The following ANO6 variants were observed in gnomAD, a reference collection of about 807,000 sequenced individuals.
The protein encoded by ANO6 is anoctamin 6.
ANO6 carries 106 observed loss-of-function variants against 117.5 expected under a neutral mutation model. The ratio of observed to expected loss-of-function variants is 0.90; its 90% CI spans 0.77 to 1.06. The LOEUF (loss-of-function observed/expected upper bound fraction) is 1.06, where lower values mean the gene tolerates loss of function less well. ANO6 is among the 50% of genes least tolerant of loss of function. ANO6 has a pLI of 0.00. For missense variants in ANO6, 955 were observed against 1,121.1 expected (o/e 0.85, Z 2.12); for synonymous variants, 367 against 385.1 (o/e 0.95, Z 0.55).
chr12:45,286,645 G>T (rs909971389), intron 1 of ANO6, among the ~76,000 whole-genome samples: 1 of 152,176 alleles, frequency 6.6e-6, no homozygotes, highest in Non-Finnish European at 1.5e-5. Context: ...TCCTAAAGCT[G>T]TATACCCCTC....
intron 1 of ANO6, among the ~76,000 whole-genome samples, chr12:45,270,936 T>C (rs1565656581): frequency 6.6e-6 from 1 of 152,072 alleles, no homozygotes; most frequent in Admixed American, 6.5e-5. Context: ...ACCTGGCTGG[T>C]CTTGAACTCC....
chr12:45,277,623 GGT>G (rs1301918604), intron 1 of ANO6, among the ~76,000 whole-genome samples: 1 of 152,170 alleles, frequency 6.6e-6, no homozygotes, highest in East Asian at 1.9e-4. Flanking sequence ...GTTAAAGGCA[GGT>G]AATTTTTTTT....
chr12:45,395,303 T>G (rs941985467), intron 12 of ANO6, among the ~76,000 whole-genome samples: 3 of 152,128 alleles, frequency 2.0e-5, no homozygotes, highest in African/African-American at 7.2e-5. Flanking sequence ...AGAAGTTGAA[T>G]CTCTGAATAG....
chr12:45,428,805 G>T (rs541197790), intron 19 of ANO6, among the ~76,000 whole-genome samples: 1 of 152,136 alleles, frequency 6.6e-6, no homozygotes, highest in African/African-American at 2.4e-5. Flanking sequence ...CAGCATCCTA[G>T]TTTTTAAGTT....
At chr12:45,364,687 T>G (rs1425701387) in intron 8 of ANO6, among the ~76,000 whole-genome samples, 1 of 152,210 alleles carries the variant, frequency 6.6e-6, no homozygotes, top group Non-Finnish European at 1.5e-5. Flanking sequence ...TTCCTTTAAT[T>G]CTTTAGGTGA....
intron 1 of ANO6, among the ~76,000 whole-genome samples, chr12:45,272,186 G>GTTTTTTTTTTTTT (rs5797936): frequency 6.7e-6 from 1 of 148,866 alleles, no homozygotes. Flanking sequence ...ACCTTTTTGG[G>GTTTTTTTTTTTTT]TTTTTTTTTC....
chr12:45,424,020 G>GC (rs1943431545), intron 19 of ANO6, among the ~76,000 whole-genome samples: 1 of 150,520 alleles, frequency 6.6e-6, no homozygotes, highest in Non-Finnish European at 1.5e-5. Flanking sequence ...ACTTATACTA[G>GC]TTCTTTTTTT....
chr12:45,294,994 A>T (rs1407691191), intron 1 of ANO6, among the ~76,000 whole-genome samples: 1 of 152,232 alleles, frequency 6.6e-6, no homozygotes, highest in South Asian at 2.1e-4. Context: ...CTTATTCTCC[A>T]CAGTAACCTT....
chr12:45,392,012 G>A (rs932804842), intron 12 of ANO6, among the ~76,000 whole-genome samples: 4 of 152,250 alleles, frequency 2.6e-5, no homozygotes, highest in Admixed American at 6.5e-5. Flanking sequence ...TACAGTGGGT[G>A]CTGCCCACAG....
intron 1 of ANO6, among the ~76,000 whole-genome samples, chr12:45,254,081 C>T (rs989476331): frequency 1.3e-5 from 2 of 152,112 alleles, no homozygotes; most frequent in Non-Finnish European, 2.9e-5. Context: ...GCAGAAGAAT[C>T]GCTTGAACCC....
At chr12:45,426,197 A>G (rs1943497774) in intron 19 of ANO6, among the ~76,000 whole-genome samples, 1 of 152,240 alleles carries the variant, frequency 6.6e-6, no homozygotes, top group Admixed American at 6.5e-5. Flanking sequence ...AAAAGATAAC[A>G]TCATGCCACC....
intron 2 of ANO6, among the ~76,000 whole-genome samples, chr12:45,318,977 C>T (rs1184643274): frequency 6.6e-6 from 1 of 152,170 alleles, no homozygotes; most frequent in Admixed American, 6.5e-5. Flanking sequence ...TATCCTGAGA[C>T]TTTGCTGAAG....
At chr12:45,224,250 A>G (rs914353681) in intron 1 of ANO6, among the ~76,000 whole-genome samples, 88 of 152,312 alleles carry the variant, frequency 5.8e-4, no homozygotes, top group African/African-American at 2.0e-3. Flanking sequence ...ATGAAAAGAC[A>G]GGTGAGGGCA....
At chr12:45,393,524 A>T (rs1024751934) in intron 12 of ANO6, among the ~76,000 whole-genome samples, 1 of 152,136 alleles carries the variant, frequency 6.6e-6, no homozygotes, top group African/African-American at 2.4e-5. Flanking sequence ...GAGAAGAGCA[A>T]CCCCAAGACA....
downstream of ANO6, among the ~76,000 whole-genome samples, chr12:45,434,002 C>A (rs908707139): frequency 6.6e-6 from 1 of 152,158 alleles, no homozygotes; most frequent in African/African-American, 2.4e-5. Flanking sequence ...GCCTCATTCC[C>A]GAAAACAGTT....
intron 2 of ANO6, among the ~76,000 whole-genome samples, chr12:45,314,487 AC>A (rs2137342499): frequency 6.7e-6 from 1 of 150,266 alleles, no homozygotes; most frequent in East Asian, 2.0e-4. Flanking sequence ...ACACACACAC[AC>A]ACACATATAT....
At chr12:45,354,294 A>G (rs1941356345) in intron 7 of ANO6, among the ~76,000 whole-genome samples, 1 of 152,222 alleles carries the variant, frequency 6.6e-6, no homozygotes, top group Admixed American at 6.5e-5. Context: ...TGTGCTTCTC[A>G]ATGACACTAC....
chr12:45,368,789 G>A (rs953830227), intron 9 of ANO6, among the ~76,000 whole-genome samples: 7 of 152,082 alleles, frequency 4.6e-5, no homozygotes, highest in African/African-American at 9.7e-5. Context: ...AGATTTTAAC[G>A]GAATGTATTG....
intron 1 of ANO6, among the ~76,000 whole-genome samples, chr12:45,262,466 C>T (rs1364055987): frequency 6.6e-6 from 1 of 151,828 alleles, no homozygotes; most frequent in African/African-American, 2.4e-5. Flanking sequence ...TCTTGTTGCC[C>T]AGGCTGGAGT....
Sources: allele counts gnomAD v4.1 joint callset (sites outside exome capture counted in the v4.1 genomes callset), GRCh38; gene constraint gnomAD v4.1.1; transcripts MANE v1.5; gene names NCBI Gene and HGNC (gene_info 2026-07-23, HGNC 2026-07-21).